The following WSCD2 variants were observed in gnomAD, a reference collection of about 807,000 sequenced individuals.
WSCD2 encodes the protein sialate:O-sulfotransferase 2.
A neutral mutation model predicts 55.7 loss-of-function variants in WSCD2; 28 were observed. That is an observed-to-expected ratio of 0.50 (90% confidence interval 0.37 to 0.69). WSCD2 has a LOEUF of 0.69. Ranked by LOEUF, WSCD2 falls within the 30% of genes least tolerant of loss-of-function variation. WSCD2 has a pLI of 0.00. For synonymous variants in WSCD2, 301 were observed against 301.9 expected, an observed-to-expected ratio of 1.00 and a Z score of 0.03; for missense variants, 616 against 762.1, an observed-to-expected ratio of 0.81 and a Z score of 2.26.
At chr12:108,191,349 C>G (rs1883132181) in intron 1 of WSCD2, among the ~76,000 whole-genome samples, 1 of 152,178 alleles carries the variant, frequency 6.6e-6, no homozygotes, top group Non-Finnish European at 1.5e-5. Flanking sequence ...GGGACAATGA[C>G]AGACTAGAGA....
At chr12:108,209,331 A>G (rs2137097609) in intron 3 of WSCD2, among the ~76,000 whole-genome samples, 1 of 152,134 alleles carries the variant, frequency 6.6e-6, no homozygotes, top group Non-Finnish European at 1.5e-5. Context: ...CCCTCACCCT[A>G]GCTCCTCTCA....
intron 1 of WSCD2, among the ~76,000 whole-genome samples, chr12:108,173,626 G>A (rs528857943): frequency 6.6e-5 from 10 of 152,194 alleles, no homozygotes; most frequent in African/African-American, 1.9e-4. Flanking sequence ...TGGGGTAAGG[G>A]GATGCTGAAT....
chr12:108,132,036 TTGTGTGTGTGTGTGTACGCA>T (rs1300031337), intron 1 of WSCD2, among the ~76,000 whole-genome samples: 2 of 151,572 alleles, frequency 1.3e-5, no homozygotes, highest in East Asian at 3.9e-4. Flanking sequence ...TCTTACAGCA[TTGTGTGTGTGTGTGTACGCA>T]TGTGTGTGTG....
intron 1 of WSCD2, among the ~76,000 whole-genome samples, chr12:108,130,886 T>G (rs1278680488): frequency 6.6e-6 from 1 of 152,176 alleles, no homozygotes; most frequent in East Asian, 1.9e-4. Context: ...CTCATAAGTT[T>G]GGCTAGATGA....
intron 1 of WSCD2, among the ~76,000 whole-genome samples, chr12:108,142,918 C>A (rs986348684): frequency 6.6e-6 from 1 of 152,174 alleles, no homozygotes; most frequent in Admixed American, 6.5e-5. Flanking sequence ...TCAAGAGATA[C>A]TCCTGCCTCA....
intron 1 of WSCD2, among the ~76,000 whole-genome samples, chr12:108,136,919 C>G (rs564101409): frequency 2.0e-5 from 3 of 152,316 alleles, no homozygotes; most frequent in East Asian, 1.9e-4. Flanking sequence ...ATCAGTGAGG[C>G]TGAGGCTGGG....
intron 7 of WSCD2, among the ~76,000 whole-genome samples, chr12:108,239,198 CAT>C (rs1343426167): frequency 9.2e-5 from 14 of 152,208 alleles, no homozygotes; most frequent in African/African-American, 3.4e-4. Flanking sequence ...TGCAGTCACT[CAT>C]ATGTGACAGA....
chr12:108,189,669 C>T (rs756947849), intron 1 of WSCD2: 3 of 152,204 alleles, frequency 2.0e-5, no homozygotes, highest in Non-Finnish European at 1.5e-5. Context: ...GTTGTGACTA[C>T]AGCAACCTTG....
intron 1 of WSCD2, among the ~76,000 whole-genome samples, chr12:108,180,208 T>A (rs1881533234): frequency 6.6e-6 from 1 of 152,228 alleles, no homozygotes; most frequent in African/African-American, 2.4e-5. Context: ...ATTTTCCTGA[T>A]GGCAGGGGTC....
At position 108,196,102 on chromosome 12, in the gene WSCD2, A is replaced by G; in HGVS notation, c.270A>G (p.Gly90=). ...GEASSIARRY[G]PWFKGKDGNE... ...CCTCAAGCATTGCTCGCAGGTACGG[A>G]CCCTGGTTCAAGGGCAAGGATGGGA... The change falls in exon 2 of 9, where the codon GGA becomes GGG. Residue 90 remains glycine, a synonymous_variant. Coordinates refer to ENST00000547525, the MANE Select transcript of WSCD2 (RefSeq NM_014653.4). 1 of 1,613,860 alleles carries G rather than the reference A, an allele frequency of 6.2e-7. No individual in the cohort carries two copies. Among genetic ancestry groups the G allele is most frequent in the Non-Finnish European group, 8.5e-7 (1 of 1,179,982 alleles).
At chr12:108,239,349 CT>C (rs143608893) in intron 7 of WSCD2, among the ~76,000 whole-genome samples, 84 of 152,326 alleles carry the variant, frequency 5.5e-4, no homozygotes, top group Admixed American at 2.2e-3. Context: ...GGAAACCTTT[CT>C]GGATGCCACT....
intron 7 of WSCD2, among the ~76,000 whole-genome samples, chr12:108,236,118 G>A (rs1431918356): frequency 1.3e-5 from 2 of 152,222 alleles, no homozygotes; most frequent in African/African-American, 4.8e-5. Flanking sequence ...TGTACAATGA[G>A]CTGATCCCCT....
At chr12:108,203,835 G>T (rs1269254662) in intron 2 of WSCD2, among the ~76,000 whole-genome samples, 1 of 152,200 alleles carries the variant, frequency 6.6e-6, no homozygotes, top group Admixed American at 6.5e-5. Context: ...CTCCCCTTCA[G>T]GTCTTGGGGT....
intron 1 of WSCD2, among the ~76,000 whole-genome samples, chr12:108,157,552 C>A (rs764584160): frequency 5.9e-5 from 9 of 152,098 alleles, no homozygotes; most frequent in African/African-American, 1.4e-4. Context: ...TTTTTTGTAT[C>A]TTTTTAAATT....
intron 1 of WSCD2, among the ~76,000 whole-genome samples, chr12:108,180,050 C>CAAAAAAAAA (rs59925486): frequency 6.5e-4 from 76 of 116,632 alleles, no homozygotes; most frequent in East Asian, 9.8e-4. Context: ...CTCAAAAAAA[C>CAAAAAAAAA]AAAAAAAAAA....
At position 108,240,385 on chromosome 12, in the gene WSCD2, A is replaced by C; in HGVS notation, c.1186A>C (p.Ile396Leu). The part of the protein sequence containing the change: ...ERDHWRSGRT[I>L]CIKTHESGQK... ...GGACCACTGGCGCAGCGGACGGACC[A>C]TCTGCATCAAGACGCACGAAAGCGG... is the stretch of plus-strand genomic sequence containing the variant. The change falls in exon 8 of 9, where the codon ATC (isoleucine) becomes CTC (leucine). Residue 396 changes from isoleucine to leucine, a missense_variant. Around this residue, in one of 3 missense-constraint regions of WSCD2, gnomAD observed 234 missense variants for 264.6 expected, o/e 0.88. Transcript: ENST00000547525. The C allele has an allele frequency of 6.2e-7, 1 of 1,614,196 alleles. No individual in the cohort carries two copies. The highest frequency in any genetic ancestry group is 8.5e-7 in the Non-Finnish European group (1 of 1,180,036).
chr12:108,168,768 T>C (rs1301139012), intron 1 of WSCD2, among the ~76,000 whole-genome samples: 1 of 152,214 alleles, frequency 6.6e-6, no homozygotes, highest in African/African-American at 2.4e-5. Flanking sequence ...ACTTCTCCCT[T>C]ACTGTATGAG....
intron 1 of WSCD2, among the ~76,000 whole-genome samples, chr12:108,175,946 T>A (rs2136982422): frequency 6.6e-6 from 1 of 152,210 alleles, no homozygotes; most frequent in Non-Finnish European, 1.5e-5. Flanking sequence ...TTCATGCCAT[T>A]CTCCTGCCTC....
chr12:108,140,314 TGCCA>T (rs1876658686), intron 1 of WSCD2, among the ~76,000 whole-genome samples: 1 of 152,216 alleles, frequency 6.6e-6, no homozygotes, highest in Non-Finnish European at 1.5e-5. Flanking sequence ...GTTACATAAG[TGCCA>T]GTTAGTAACA....
Sources: gnomAD v4.1 joint callset for allele counts (sites outside exome capture counted in the v4.1 genomes callset) on GRCh38, gnomAD v4.1.1 for gene constraint, gnomAD v4.1.1 regional missense constraint, MANE v1.5 for transcripts, NCBI Gene and HGNC (gene_info 2026-07-23, HGNC 2026-07-21) for gene names.